The following PARD3B variants were observed in gnomAD, a reference collection of about 807,000 sequenced individuals.
PARD3B encodes partitioning defective 3 homolog B.
In PARD3B, 103 loss-of-function variants were observed where a neutral mutation model predicts 130.2. The ratio of observed to expected loss-of-function variants is 0.79; its 90% CI spans 0.67 to 0.93. The LOEUF is 0.93. Ranked by LOEUF, PARD3B falls within the 40% of genes least tolerant of loss-of-function variation. PARD3B has a pLI of 0.00. For synonymous variants in PARD3B, 583 were observed against 553.2 expected (o/e 1.05, Z -0.76); for missense variants, 1,609 against 1,499.2 (o/e 1.07, Z -1.21).
chr2:205,258,327 G>A lies in PARD3B; in HGVS notation c.2185+12505G>A, dbSNP rs746476057. On this transcript the variant is annotated intron_variant, in intron 16 of 22. Transcript: ENST00000406610. The surrounding 1 kb of genome is among the most constrained non-coding windows in gnomAD (Gnocchi z 4.9). ...TCCTCAGGCCTTTGCACATGCATTCGATTAGCCCAGAGTGATCTTCCACTC... is the reference window on the plus strand; with the variant it reads ...TCCTCAGGCCTTTGCACATGCATTCAATTAGCCCAGAGTGATCTTCCACTC... 4.6e-5 allele frequency among the ~76,000 whole-genome samples: 7 copies of A among 152,082 alleles called. No homozygotes were observed. The highest frequency in any genetic ancestry group is 7.2e-5 in the African/African-American group (3 of 41,396).
chr2:204,748,515 T>C (rs1239908213), intron 2 of PARD3B, among the ~76,000 whole-genome samples: 1 of 152,158 alleles, frequency 6.6e-6, no homozygotes, highest in Non-Finnish European at 1.5e-5. Flanking sequence ...TTTCTCTCTG[T>C]ATTTTTATGT....
In PARD3B at chr2:205,011,770, A is replaced by G. The variant is rs934647559; in HGVS notation, c.395-35811A>G. 3.3e-5 allele frequency among the ~76,000 whole-genome samples: 5 copies of G among 151,718 alleles called. No individual in the cohort carries two copies. The highest frequency in any genetic ancestry group is 2.6e-4 in the Admixed American group (4 of 15,240). On this transcript the variant is annotated intron_variant, in intron 3 of 22. Coordinates refer to ENST00000406610, the MANE Select transcript of PARD3B (RefSeq NM_001302769.2). This position sits in a 1 kb window ranked among gnomAD's most constrained non-coding sequence, Gnocchi z 4.1. ...TAAAGAAGGGGTCTCACCATTCAGT[A>G]TTTGACTCTTCCTTAGTTTTCTGGG...
At chr2:205,048,516 A>T (rs1302846983) in intron 4 of PARD3B, 1 of 152,206 alleles carries the variant, frequency 6.6e-6, no homozygotes, top group Non-Finnish European at 1.5e-5. Context: ...TGCAATAGGT[A>T]ATCTTCGATA....
At chr2:204,960,797 A>G (rs534955924) in intron 2 of PARD3B, among the ~76,000 whole-genome samples, 22 of 152,306 alleles carry the variant, frequency 1.4e-4, no homozygotes, top group Admixed American at 1.2e-3. Flanking sequence ...AGGCAATAAA[A>G]TAAGAAGAGC....
intron 2 of PARD3B, among the ~76,000 whole-genome samples, chr2:204,716,623 C>CT (rs35183526): frequency 0.023 from 2,272 of 98,084 alleles, 51 homozygotes; most frequent in Middle Eastern, 0.048. Context: ...ACAGCAACTG[C>CT]TTTTTTTTTT....
At chr2:205,030,072 C>T (rs1331781647) in intron 3 of PARD3B, among the ~76,000 whole-genome samples, 1 of 152,118 alleles carries the variant, frequency 6.6e-6, no homozygotes, top group East Asian at 1.9e-4. Context: ...GTAATACAGT[C>T]CAATATCTTC....
At chr2:204,685,775 T>G (rs1330750242) in intron 1 of PARD3B, among the ~76,000 whole-genome samples, 4 of 152,176 alleles carry the variant, frequency 2.6e-5, no homozygotes, top group Non-Finnish European at 5.9e-5. Context: ...ATTCTGCCTT[T>G]AGGGTTTTTT....
At position 205,405,570 on chromosome 2, in the gene PARD3B, G is replaced by T. The variant is rs2046390570; in HGVS notation, c.2741+4447G>T. Among the ~76,000 whole-genome samples, 1 of 152,168 alleles carries T rather than the reference G, an allele frequency of 6.6e-6. No homozygotes were observed. The highest frequency in any genetic ancestry group is 2.4e-5 in the African/African-American group (1 of 41,446). On this transcript the variant is annotated intron_variant, in intron 19 of 22. Coordinates refer to ENST00000406610, the MANE Select transcript of PARD3B (RefSeq NM_001302769.2). The surrounding 1 kb of genome is among the most constrained non-coding windows in gnomAD (Gnocchi z 4.1). ...TTGAGAATGGTACCCAAACATTACT[G>T]ATGAATATCCCATCAATCTAAGCTT...
intron 2 of PARD3B, among the ~76,000 whole-genome samples, chr2:204,839,283 T>C (rs1575108911): frequency 6.6e-6 from 1 of 152,190 alleles, no homozygotes; most frequent in African/African-American, 2.4e-5. Context: ...AGGTCAGTTG[T>C]GTTAGCAAGG....
Position 205,473,684 on chromosome 2 carries a change from G to GTATATA in PARD3B, c.3045-26191_3045-26186dup, listed in dbSNP as rs369766633. 7.4e-4 allele frequency among the ~76,000 whole-genome samples: 85 copies of GTATATA among 114,614 alleles called. No homozygotes were observed. The highest frequency in any genetic ancestry group is 3.6e-3 in the East Asian group (13 of 3,636). 75.2% of individuals were successfully genotyped at this position (114,614 alleles called of 152,430 possible). A position where few individuals can be genotyped will look rare whatever the true frequency, so the allele number is the denominator to read the frequency against. ...TGTGTGTGTGTGTGTGTGTGTGTAT[G>GTATATA]TATATATATATATATATATATATAT... is the stretch of plus-strand genomic sequence containing the variant. On this transcript the variant is annotated intron_variant, in intron 20 of 22. Transcript: ENST00000406610. The surrounding 1 kb of genome is among the most constrained non-coding windows in gnomAD (Gnocchi z 4.9).
chr2:204,580,344 GA>G (rs995099823), intron 1 of PARD3B, among the ~76,000 whole-genome samples: 8 of 152,038 alleles, frequency 5.3e-5, no homozygotes, highest in African/African-American at 1.7e-4. Flanking sequence ...AGTCTCCTGG[GA>G]AACCCAGGCC....
In PARD3B at chr2:205,619,618, T is replaced by G. The variant is rs561953962; in HGVS notation, c.*3805T>G. On this transcript the variant is annotated 3_prime_UTR_variant, in exon 23 of 23. Coordinates refer to ENST00000406610, the MANE Select transcript of PARD3B (RefSeq NM_001302769.2). ...AGCGAGACCAGAAAGAGGAGTCGCC[T>G]TAAGGTATCCCTACAAAGTCACCTT... The G allele has an allele frequency of 1.3e-5, 2 of 152,126 alleles. No homozygotes were observed. Among genetic ancestry groups the G allele is most frequent in the Non-Finnish European group, 2.9e-5 (2 of 68,018 alleles). 9.4% of individuals were successfully genotyped at this position (152,126 alleles called of 1,614,324 possible). A position where few individuals can be genotyped will look rare whatever the true frequency, so the allele number is the denominator to read the frequency against.
At chr2:204,714,142 C>T (rs2038606979) in intron 2 of PARD3B, among the ~76,000 whole-genome samples, 1 of 152,108 alleles carries the variant, frequency 6.6e-6, no homozygotes, top group Admixed American at 6.5e-5. Context: ...TCCTTCTCTC[C>T]TTATTTATAG....
At chr2:204,989,382 C>T (rs1007435315) in intron 3 of PARD3B, among the ~76,000 whole-genome samples, 3 of 152,018 alleles carry the variant, frequency 2.0e-5, no homozygotes, top group African/African-American at 7.2e-5. Context: ...CTTACATAGC[C>T]AAGGTAAGGA....
chr2:205,452,268 CCA>C (rs2106199013), intron 20 of PARD3B, among the ~76,000 whole-genome samples: 1 of 152,242 alleles, frequency 6.6e-6, no homozygotes, highest in East Asian at 1.9e-4. Flanking sequence ...GTGTTTGTCC[CCA>C]GTCTCTTTCT....
In PARD3B at chr2:205,057,662, T is replaced by TAC. The variant is rs1174117785; in HGVS notation, c.504+9973_504+9974insCA. ...ATATATGTGTATGTGTATACGTACA[T>TAC]ATACATATATGTGTATGTGTATACG... On this transcript the variant is annotated intron_variant, in intron 4 of 22. Coordinates refer to ENST00000406610, the MANE Select transcript of PARD3B (RefSeq NM_001302769.2). Among the ~76,000 whole-genome samples, 24 of 147,228 alleles carry TAC rather than the reference T, an allele frequency of 1.6e-4. 2 individuals carry two copies. The highest frequency in any genetic ancestry group is 5.9e-4 in the African/African-American group (24 of 40,406).
chr2:204,824,210 C>G (rs2043478505), intron 2 of PARD3B, among the ~76,000 whole-genome samples: 1 of 152,192 alleles, frequency 6.6e-6, no homozygotes, highest in Admixed American at 6.5e-5. Flanking sequence ...GATATGTTAT[C>G]CTCTGGCTTC....
chr2:205,217,860 GTGTGTGTGTATATATA>G (rs1559552910), intron 15 of PARD3B, among the ~76,000 whole-genome samples: 17 of 86,568 alleles, frequency 2.0e-4, no homozygotes, highest in African/African-American at 8.1e-4. Context: ...GTGTGTGTGT[GTGTGTGTGTATATATA>G]TATATATATA....
chr2:205,250,602 T>G (rs72940327), intron 16 of PARD3B, among the ~76,000 whole-genome samples: 9,681 of 152,108 alleles, frequency 0.064, 498 homozygotes, highest in East Asian at 0.26. Flanking sequence ...CCTAACACAG[T>G]TTGATGAAAA....
Sources: allele counts gnomAD v4.1 joint callset (sites outside exome capture counted in the v4.1 genomes callset), GRCh38; gene constraint gnomAD v4.1.1; non-coding constraint Gnocchi (gnomAD v3.1); transcripts MANE v1.5; gene names NCBI Gene and HGNC (gene_info 2026-07-23, HGNC 2026-07-21).